Variants in VPS13D observed in about 807,000 individuals in gnomAD.
VPS13D encodes the protein intermembrane lipid transfer protein VPS13D.
VPS13D carries 187 observed loss-of-function variants against 461.9 expected under a neutral mutation model. The observed-to-expected ratio is 0.40, with a 90% CI of 0.36 to 0.46. The LOEUF (loss-of-function observed/expected upper bound fraction) is 0.46. Ranked by LOEUF, VPS13D falls within the 20% of genes least tolerant of loss-of-function variation. The pLI, the probability that VPS13D is intolerant of heterozygous loss-of-function variation, is 0.60. For missense variants in VPS13D, 4,711 were observed against 5,364.9 expected, an observed-to-expected ratio of 0.88 and a Z score of 3.81; for synonymous variants, 1,951 against 1,986.3, an observed-to-expected ratio of 0.98 and a Z score of 0.47.
At position 12,253,790 on chromosome 1, in the gene VPS13D, C is replaced by T. The variant is rs773100041; in HGVS notation, c.633C>T (p.Cys211=). 1.2e-6 allele frequency: 2 copies of T among 1,613,990 alleles called. No homozygotes were observed. Among genetic ancestry groups the T allele is most frequent in the Non-Finnish European group, 1.7e-6 (2 of 1,179,966 alleles). The change falls in exon 7 of 70, where the codon TGC becomes TGT. Residue 211 remains cysteine, a synonymous_variant. Transcript: ENST00000620676. ...AEFSIYWDVD[C]TLLGDLPQME... ...TTAGCATCTATTGGGATGTCGATTG[C>T]ACTTTACTGGGGGATTTGCCTCAGA... is the stretch of plus-strand genomic sequence containing the variant.
intron 65 of VPS13D, among the ~76,000 whole-genome samples, chr1:12,452,271 T>C (rs140193775): frequency 2.0e-4 from 30 of 152,320 alleles, no homozygotes; most frequent in African/African-American, 7.0e-4. Context: ...TGGACCTCTA[T>C]CTCCAGGCTT....
intron 63 of VPS13D, among the ~76,000 whole-genome samples, chr1:12,409,331 T>C (rs1324448107): frequency 6.6e-6 from 1 of 152,200 alleles, no homozygotes; most frequent in Non-Finnish European, 1.5e-5. Context: ...CATTATATGA[T>C]TGAATTTCAA....
At chr1:12,326,015 T>C (rs989750447) in intron 35 of VPS13D, among the ~76,000 whole-genome samples, 1 of 151,396 alleles carries the variant, frequency 6.6e-6, no homozygotes, top group African/African-American at 2.4e-5. Context: ...AAATTTTTTT[T>C]GGGGCTCTTG....
intron 24 of VPS13D, among the ~76,000 whole-genome samples, chr1:12,297,622 G>A (rs538462103): frequency 3.9e-5 from 6 of 152,208 alleles, no homozygotes; most frequent in African/African-American, 1.4e-4. Flanking sequence ...TATTAATGAT[G>A]CTTTGGAGTT....
chr1:12,412,223 G>T (rs555466646), intron 63 of VPS13D, among the ~76,000 whole-genome samples: 1 of 152,206 alleles, frequency 6.6e-6, no homozygotes, highest in Non-Finnish European at 1.5e-5. Context: ...TAAAGTTGTC[G>T]TTGCTCCTCA....
chr1:12,278,395 C>T (rs943048545), intron 19 of VPS13D, among the ~76,000 whole-genome samples: 1 of 152,092 alleles, frequency 6.6e-6, no homozygotes, highest in Non-Finnish European at 1.5e-5. Flanking sequence ...CTCAGCCTCC[C>T]AAGTAGCTGG....
chr1:12,498,083 T>C (rs1645984657), intron 68 of VPS13D, among the ~76,000 whole-genome samples: 1 of 152,248 alleles, frequency 6.6e-6, no homozygotes, highest in Admixed American at 6.5e-5. Context: ...GCTTCGTTAC[T>C]CTTTAAATAT....
At chr1:12,437,094 C>T (rs1463893443) in intron 65 of VPS13D, among the ~76,000 whole-genome samples, 1 of 152,172 alleles carries the variant, frequency 6.6e-6, no homozygotes, top group Non-Finnish European at 1.5e-5. Context: ...CCCAAAAACC[C>T]TGACTCACTT....
intron 65 of VPS13D, among the ~76,000 whole-genome samples, chr1:12,431,895 A>C (rs2100301024): frequency 6.6e-6 from 1 of 152,278 alleles, no homozygotes; most frequent in Non-Finnish European, 1.5e-5. Context: ...AGAAAGAAAT[A>C]GGGAATCCCT....
chr1:12,408,937 G>C (rs1440589692), intron 63 of VPS13D, among the ~76,000 whole-genome samples: 1 of 152,114 alleles, frequency 6.6e-6, no homozygotes, highest in Non-Finnish European at 1.5e-5. Context: ...ATTTTTCTCT[G>C]TGAACTGTCT....
chr1:12,270,649 T>A (rs1369118082), intron 16 of VPS13D, among the ~76,000 whole-genome samples: 1 of 152,170 alleles, frequency 6.6e-6, no homozygotes, highest in Non-Finnish European at 1.5e-5. Flanking sequence ...TCACTTACGC[T>A]TTTTTGTCTC....
chr1:12,348,289 C>G (rs1209793013), intron 44 of VPS13D, among the ~76,000 whole-genome samples: 7 of 152,206 alleles, frequency 4.6e-5, no homozygotes, highest in Non-Finnish European at 1.0e-4. Context: ...GAAAATAACA[C>G]AGAAGGTAAA....
intron 46 of VPS13D, among the ~76,000 whole-genome samples, chr1:12,351,509 C>CA (rs1643793163): frequency 6.7e-6 from 1 of 150,242 alleles, no homozygotes; most frequent in Admixed American, 6.6e-5. Flanking sequence ...AGGCTGGTCT[C>CA]AAACTCCTGA....
At chr1:12,260,270 C>T (rs376346141) in intron 10 of VPS13D, among the ~76,000 whole-genome samples, 1 of 152,116 alleles carries the variant, frequency 6.6e-6, no homozygotes, top group East Asian at 1.9e-4. Flanking sequence ...CGTGATCCGC[C>T]CATCTCGGCC....
intron 55 of VPS13D, 112 bp from the exon 56 acceptor site, chr1:12,378,316 T>A: frequency 4.0e-6 from 4 of 995,208 alleles, no homozygotes; most frequent in Non-Finnish European, 5.5e-6. Flanking sequence ...AACGTCTAAA[T>A]AAACTTCCTA....
intron 23 of VPS13D, among the ~76,000 whole-genome samples, chr1:12,291,553 T>C (rs1642132472): frequency 6.6e-6 from 1 of 152,020 alleles, no homozygotes; most frequent in African/African-American, 2.4e-5. Flanking sequence ...ATCCCAGGAG[T>C]TGGAGGCTGC....
At chr1:12,234,470 A>G in intron 2 of VPS13D, 107 bp downstream of exon 2, 1 of 818,524 alleles carries the variant, frequency 1.2e-6, no homozygotes, top group Non-Finnish European at 1.9e-6. Context: ...ATGGCTTTGT[A>G]CTAAATGTAT....
At chr1:12,334,180 A>G (rs1042006065) in intron 38 of VPS13D, among the ~76,000 whole-genome samples, 5 of 152,236 alleles carry the variant, frequency 3.3e-5, no homozygotes, top group African/African-American at 1.2e-4. Flanking sequence ...AAATGAGACC[A>G]TAAGTTTGTT....
chr1:12,329,790 C>G, intron 36 of VPS13D, 39 bp from the exon 37 acceptor site: 2 of 1,588,180 alleles, frequency 1.3e-6, no homozygotes, highest in Non-Finnish European at 1.7e-6. Flanking sequence ...TTTGGTTGCT[C>G]CTGCCCTGCC....
Sources: allele counts gnomAD v4.1 joint callset (sites outside exome capture counted in the v4.1 genomes callset), GRCh38; gene constraint gnomAD v4.1.1; transcripts MANE v1.5; gene names NCBI Gene and HGNC (gene_info 2026-07-23, HGNC 2026-07-21).